RALGAPA1: variants seen among roughly 807,000 people sequenced by gnomAD.
RALGAPA1 encodes the protein Ral GTPase activating protein catalytic subunit alpha 1, also known as ral GTPase-activating protein subunit alpha-1.
A neutral mutation model predicts 269.6 loss-of-function variants in RALGAPA1; 52 were observed. The observed-to-expected ratio is 0.19, with a 90% CI of 0.15 to 0.24. The LOEUF (loss-of-function observed/expected upper bound fraction) is 0.24, where lower values mean the gene tolerates loss of function less well. Ranked by LOEUF, RALGAPA1 falls within the 10% of genes least tolerant of loss-of-function variation. The probability of loss-of-function intolerance (pLI) is 1.00; values close to 1 mark genes in which losing one functional copy is unlikely to be tolerated. For missense variants in RALGAPA1, 1,917 were observed against 3,013.9 expected (o/e 0.64, Z 8.52); for synonymous variants, 817 against 1,008.3 (o/e 0.81, Z 3.60).
intron 38 of RALGAPA1, 25 bp from the exon 39 acceptor site, chr14:35,570,769 T>C (rs189544632): frequency 6.4e-7 from 1 of 1,572,592 alleles, no homozygotes; most frequent in African/African-American, 1.4e-5. Context: ...AGAACATAAT[T>C]TTACATTCAA....
chr14:35,739,709 A>T (rs552583572), intron 11 of RALGAPA1, among the ~76,000 whole-genome samples: 1 of 152,106 alleles, frequency 6.6e-6, no homozygotes, highest in South Asian at 2.1e-4. Context: ...CCTCTCCCTT[A>T]TATTTCCACT....
At chr14:35,574,602 C>A (rs773329733) in intron 37 of RALGAPA1, among the ~76,000 whole-genome samples, 24 of 152,068 alleles carry the variant, frequency 1.6e-4, no homozygotes, top group Non-Finnish European at 1.5e-5. Context: ...GATATATCTT[C>A]TTCAAGATAT....
chr14:35,651,728 A>G, intron 31 of RALGAPA1, 77 bp downstream of exon 31: 1 of 1,320,054 alleles, frequency 7.6e-7, no homozygotes, highest in Non-Finnish European at 1.0e-6. Context: ...ATGTAAATAT[A>G]CATACCTTTA....
At chr14:35,678,694 T>C (rs1304020781) in intron 21 of RALGAPA1, among the ~76,000 whole-genome samples, 1 of 152,190 alleles carries the variant, frequency 6.6e-6, no homozygotes, top group Non-Finnish European at 1.5e-5. Flanking sequence ...CAAGTCTCTC[T>C]ATAACTTTCT....
intron 35 of RALGAPA1, among the ~76,000 whole-genome samples, chr14:35,614,712 T>C (rs1025210219): frequency 5.9e-5 from 9 of 152,172 alleles, no homozygotes; most frequent in Non-Finnish European, 1.5e-5. Context: ...ATGTAAAATA[T>C]GTCTCAGTCA....
At chr14:35,543,949 A>T (rs1262837369) in intron 41 of RALGAPA1, among the ~76,000 whole-genome samples, 1 of 152,090 alleles carries the variant, frequency 6.6e-6, no homozygotes, top group East Asian at 1.9e-4. Context: ...GCCAGGAAAT[A>T]ACATAATTTA....
intron 1 of RALGAPA1, among the ~76,000 whole-genome samples, chr14:35,785,959 T>C (rs958574247): frequency 2.0e-5 from 3 of 151,616 alleles, no homozygotes; most frequent in Non-Finnish European, 2.9e-5. Context: ...GTGGATCACT[T>C]GTGCTTGCTC....
intron 35 of RALGAPA1, among the ~76,000 whole-genome samples, chr14:35,614,183 G>A (rs1017243585): frequency 4.6e-5 from 7 of 152,150 alleles, no homozygotes; most frequent in African/African-American, 1.7e-4. Flanking sequence ...TCCTCCAATG[G>A]TGAAACAGAG....
chr14:35,624,023 G>C (rs2060822001), intron 35 of RALGAPA1, among the ~76,000 whole-genome samples: 2 of 151,272 alleles, frequency 1.3e-5, no homozygotes, highest in Admixed American at 1.3e-4. Context: ...GGAGGCGGAG[G>C]TTGCAGTGAG....
At chr14:35,723,573 C>A (rs1237507232) in intron 14 of RALGAPA1, 1 of 170,746 alleles carries the variant, frequency 5.9e-6, no homozygotes, top group Non-Finnish European at 1.2e-5. Context: ...AGTCTCCATA[C>A]TTTTAAGTGT....
intron 36 of RALGAPA1, among the ~76,000 whole-genome samples, chr14:35,596,392 T>C (rs942141546): frequency 6.6e-6 from 1 of 152,050 alleles, no homozygotes; most frequent in Non-Finnish European, 1.5e-5. Flanking sequence ...CCCGGACCTG[T>C]GTGATGTACA....
chr14:35,672,806 C>T (rs1595078701), intron 25 of RALGAPA1, 61 bp downstream of exon 25: 1 of 1,383,352 alleles, frequency 7.2e-7, no homozygotes, highest in South Asian at 1.6e-5. Context: ...TAAACAGAAT[C>T]AAGAATCAAA....
At chr14:35,587,662 T>A (rs2058385537) in intron 37 of RALGAPA1, among the ~76,000 whole-genome samples, 1 of 148,784 alleles carries the variant, frequency 6.7e-6, no homozygotes, top group African/African-American at 2.5e-5. Context: ...AGGTGAGAAT[T>A]GAACAATGAG....
At chr14:35,611,383 T>A in intron 35 of RALGAPA1, among the ~76,000 whole-genome samples, 1 of 151,990 alleles carries the variant, frequency 6.6e-6, no homozygotes, top group Non-Finnish European at 1.5e-5. Context: ...GCGCTTGTAG[T>A]CCCAGCTACT....
intron 35 of RALGAPA1, among the ~76,000 whole-genome samples, chr14:35,606,102 T>C (rs1006182947): frequency 6.6e-6 from 1 of 152,166 alleles, no homozygotes; most frequent in African/African-American, 2.4e-5. Context: ...ATTTTAGAAC[T>C]AAGTAGGAGT....
chr14:35,700,940 A>G (rs1410398270), intron 16 of RALGAPA1, among the ~76,000 whole-genome samples: 1 of 152,196 alleles, frequency 6.6e-6, no homozygotes, highest in African/African-American at 2.4e-5. Context: ...AAATTTTTAC[A>G]TAGAAACAGA....
intron 16 of RALGAPA1, among the ~76,000 whole-genome samples, chr14:35,716,657 G>T (rs1327127999): frequency 6.6e-6 from 1 of 151,990 alleles, no homozygotes; most frequent in African/African-American, 2.4e-5. Context: ...TTTCAAACCA[G>T]GATTCCATGG....
At chr14:35,710,421 A>C (rs2068216617) in intron 16 of RALGAPA1, among the ~76,000 whole-genome samples, 1 of 152,022 alleles carries the variant, frequency 6.6e-6, no homozygotes, top group Non-Finnish European at 1.5e-5. Flanking sequence ...AAGCCCGGCT[A>C]ATTTTTTTGT....
intron 39 of RALGAPA1, among the ~76,000 whole-genome samples, chr14:35,564,970 A>G (rs2056574728): frequency 6.6e-6 from 1 of 152,114 alleles, no homozygotes; most frequent in Admixed American, 6.6e-5. Flanking sequence ...GTCTTCTATT[A>G]TAATTAGTAA....
Sources: allele counts gnomAD v4.1 joint callset (sites outside exome capture counted in the v4.1 genomes callset), GRCh38; gene constraint gnomAD v4.1.1; transcripts MANE v1.5; gene names NCBI Gene and HGNC (gene_info 2026-07-23, HGNC 2026-07-21).